The following MLLT1 variants were observed in gnomAD, a reference collection of about 807,000 sequenced individuals.
MLLT1 encodes the protein MLLT1 super elongation complex subunit, also known as protein ENL.
Under a neutral mutation model 55.1 loss-of-function variants are expected in MLLT1, and 11 were observed. The observed-to-expected ratio is 0.20, with a 90% CI of 0.13 to 0.33. The LOEUF is 0.33. Ranked by LOEUF, MLLT1 falls within the 10% of genes least tolerant of loss-of-function variation. MLLT1 has a pLI of 1.00. For synonymous variants in MLLT1, 323 were observed against 320.1 expected (o/e 1.01, Z -0.10); for missense variants, 536 against 760.6 (o/e 0.70, Z 3.47).
In MLLT1 at chr19:6,231,147, G is replaced by A. The variant is rs1218134147; in HGVS notation, c.277-434C>T. 2.0e-5 allele frequency among the ~76,000 whole-genome samples: 3 copies of A among 152,270 alleles called. No homozygotes were observed. Among genetic ancestry groups the A allele is most frequent in the South Asian group, 2.1e-4 (1 of 4,834 alleles). ...GCAGCCAGGGCCAAGCCCGACAGAC[G>A]CAGGACACAGGACACAGACTCAAAC... On this transcript the variant is annotated intron_variant, in intron 3 of 11. Transcript: ENST00000252674. The surrounding 1 kb of genome is among the most constrained non-coding windows in gnomAD (Gnocchi z 5.1).
chr19:6,222,342 C>G lies in MLLT1; in HGVS notation c.889G>C (p.Ala297Pro). The change falls in exon 6 of 12, where the codon GCC becomes CCC. Residue 297 changes from alanine to proline, a missense_variant. Transcript: ENST00000252674. The surrounding 1 kb of genome is among the most constrained non-coding windows in gnomAD (Gnocchi z 4.1). Reference sequence around the variant, plus strand: ...GAGCTGCTCTTCTTCTGCTTCTTGGCGCTGGGCTTTGGCGAGTCGGCGGTG... The same window carrying G: ...GAGCTGCTCTTCTTCTGCTTCTTGGGGCTGGGCTTTGGCGAGTCGGCGGTG... ...PATADSPKPS[A>P]KKQKKSSSKG... 1 of 1,527,124 alleles carries G rather than the reference C, an allele frequency of 6.5e-7. No homozygotes were observed. The highest frequency in any genetic ancestry group is 1.2e-5 in the South Asian group (1 of 83,140). 94.6% of individuals were successfully genotyped at this position (1,527,124 alleles called of 1,614,324 possible). A position where few individuals can be genotyped will look rare whatever the true frequency, so the allele number is the denominator to read the frequency against.
intron 1 of MLLT1, among the ~76,000 whole-genome samples, chr19:6,279,000 G>C (rs1052477006): frequency 6.6e-6 from 1 of 152,172 alleles, no homozygotes; most frequent in African/African-American, 2.4e-5. Context: ...GGAGTCAGAG[G>C]AGCTCAGGCC....
Position 6,230,609 on chromosome 19 carries a change from G to T in MLLT1, c.381C>A (p.Pro127=). ...LRCEKLTFNN[P]TTEFRYKLLR... is the part of the protein sequence containing the mutation. ...GGAGCTTGTACCGGAACTCCGTGGT[G>T]GGGTTGTTGAAGGTGAGCTTCTCGC... Residue 127 remains proline (P), a synonymous_variant, in exon 4 of 12, where the codon CCC becomes CCA. Coordinates refer to ENST00000252674, the MANE Select transcript of MLLT1 (RefSeq NM_005934.4). This position sits in a 1 kb window ranked among gnomAD's most constrained non-coding sequence, Gnocchi z 9.0. 1 of 1,613,966 alleles carries T rather than the reference G, an allele frequency of 6.2e-7. No individual in the cohort carries two copies. Among genetic ancestry groups the T allele is most frequent in the Middle Eastern group, 1.7e-4 (1 of 6,036 alleles).
intron 1 of MLLT1, among the ~76,000 whole-genome samples, chr19:6,279,096 G>A (rs1037496540): frequency 2.0e-5 from 3 of 152,084 alleles, no homozygotes; most frequent in Non-Finnish European, 2.9e-5. Flanking sequence ...CCAGGTAGGG[G>A]ATGGGTGGAG....
chr19:6,277,406 G>GTCAGTAGC (rs1292382791), intron 1 of MLLT1, among the ~76,000 whole-genome samples: 1 of 152,206 alleles, frequency 6.6e-6, no homozygotes, highest in East Asian at 1.9e-4. Context: ...CGACAGGGTG[G>GTCAGTAGC]TCAGTAGCTC....
At chr19:6,236,761 T>C (rs1382442786) in intron 3 of MLLT1, among the ~76,000 whole-genome samples, 3 of 152,250 alleles carry the variant, frequency 2.0e-5, no homozygotes, top group Non-Finnish European at 2.9e-5. Flanking sequence ...TCCTGGGAGA[T>C]GTTGGGATAG....
chr19:6,248,382 G>A (rs1179729456), intron 3 of MLLT1, among the ~76,000 whole-genome samples: 2 of 152,176 alleles, frequency 1.3e-5, no homozygotes, highest in Non-Finnish European at 2.9e-5. Context: ...CTTGAGTGTG[G>A]GCTGGACTTA....
chr19:6,264,052 C>T (rs933807233), intron 2 of MLLT1, among the ~76,000 whole-genome samples: 3 of 152,064 alleles, frequency 2.0e-5, no homozygotes, highest in African/African-American at 4.8e-5. Context: ...TGGTCATGGC[C>T]GCACAACTAT....
At chr19:6,214,752 C>T (rs2090822192) in intron 8 of MLLT1, among the ~76,000 whole-genome samples, 1 of 152,150 alleles carries the variant, frequency 6.6e-6, no homozygotes, top group Non-Finnish European at 1.5e-5. Flanking sequence ...TGAGAGGGGC[C>T]CCTGACAACC....
intron 5 of MLLT1, among the ~76,000 whole-genome samples, chr19:6,223,710 C>T (rs1372606995): frequency 2.0e-5 from 3 of 152,178 alleles, no homozygotes; most frequent in African/African-American, 7.2e-5. Flanking sequence ...CTGTATGTTT[C>T]TGCCCTACAC....
Position 6,213,187 on chromosome 19 carries a change from G to T in MLLT1, c.1552-17C>A, listed in dbSNP as rs1439047022. On this transcript the variant is annotated splice_polypyrimidine_tract_variant and intron_variant, in intron 11 of 11. Coordinates refer to ENST00000252674, the MANE Select transcript of MLLT1 (RefSeq NM_005934.4). The stretch of plus-strand genomic sequence containing the variant: ...ATTCACAATCTGTAAGGTGGTGGCA[G>T]GTGGCTTCAGGGGCAGGGGGCCAAG... The T allele has an allele frequency of 6.2e-7, 1 of 1,613,758 alleles. No homozygotes were observed. Among genetic ancestry groups the T allele is most frequent in the Non-Finnish European group, 8.5e-7 (1 of 1,179,842 alleles).
chr19:6,220,180 T>A (rs1600173598), intron 6 of MLLT1, among the ~76,000 whole-genome samples: 2 of 152,154 alleles, frequency 1.3e-5, no homozygotes, highest in South Asian at 2.1e-4. Flanking sequence ...CCGGTTCTGG[T>A]AGCACAGCCA....
intron 3 of MLLT1, among the ~76,000 whole-genome samples, chr19:6,252,208 T>TAGGACTCTGGCCTC (rs2091221842): frequency 6.6e-6 from 1 of 152,160 alleles, no homozygotes; most frequent in Non-Finnish European, 1.5e-5. Context: ...TCTGTGGCCT[T>TAGGACTCTGGCCTC]AGGACTCTGG....
At position 6,212,806 on chromosome 19, in the gene MLLT1, CCAGAGAGCCCGGGGGGCGG is replaced by C; in HGVS notation, c.*217_*235del. 1 of 910,520 alleles carries C rather than the reference CCAGAGAGCCCGGGGGGCGG, an allele frequency of 1.1e-6. No homozygotes were observed. Among genetic ancestry groups the C allele is most frequent in the East Asian group, 3.4e-5 (1 of 29,026 alleles). The allele number at this position is 910,520 out of a possible 1,614,324, so 56.4% of individuals were successfully genotyped here. On this transcript the variant is annotated 3_prime_UTR_variant, in exon 12 of 12. Coordinates refer to ENST00000252674, the MANE Select transcript of MLLT1 (RefSeq NM_005934.4). ...ACACCAGCCGCTCTCTGAGGGGAGCCCAGAGAGCCCGGGGGGCGGCTCCCGTGTGGCCCAGCCCGGCCCC... is the reference window on the plus strand; with the variant it reads ...ACACCAGCCGCTCTCTGAGGGGAGCCCTCCCGTGTGGCCCAGCCCGGCCCC...
chr19:6,259,774 CAAAT>C (rs1226295306), intron 3 of MLLT1: 1 of 93,906 alleles, frequency 1.1e-5, no homozygotes, highest in Admixed American at 1.2e-4. Context: ...ATTATTCAGA[CAAAT>C]AAACACCAAG....
intron 3 of MLLT1, among the ~76,000 whole-genome samples, chr19:6,249,883 ATGG>A (rs2091199167): frequency 6.6e-6 from 1 of 152,096 alleles, no homozygotes; most frequent in Non-Finnish European, 1.5e-5. Context: ...TTAGCCAGGT[ATGG>A]TGGTGCACAC....
Position 6,265,038 on chromosome 19 carries a change from C to CAA in MLLT1, c.194-2730_194-2729dup, listed in dbSNP as rs928827048. 3.3e-3 allele frequency among the ~76,000 whole-genome samples: 71 copies of CAA among 21,198 alleles called. 1 individual carries two copies. Among genetic ancestry groups the CAA allele is most frequent in the Middle Eastern group, 0.022 (1 of 46 alleles). The allele number at this position is 21,198 out of a possible 152,430, so 13.9% of individuals were successfully genotyped here. On this transcript the variant is annotated intron_variant, in intron 2 of 11. Transcript: ENST00000252674. ...AAATGTCACAAAACATAGTGAACAG[C>CAA]AAAAAAAAAACAAAAAAACAAAAAA...
At position 6,222,731 on chromosome 19, in the gene MLLT1, T is replaced by G. The variant is rs372550786; in HGVS notation, c.547-47A>C. 4 of 1,472,216 alleles carry G rather than the reference T, an allele frequency of 2.7e-6. No individual in the cohort carries two copies. The African/African-American group carries it at 4.2e-5, about 16-fold the overall frequency. The allele number at this position is 1,472,216 out of a possible 1,614,324, so 91.2% of individuals were successfully genotyped here. Reference sequence around the variant, plus strand: ...GGGCAAGGGGAGAGACAAGGTCACGTGGCATTGCGGGGCGCCCTGCTCCGC... The same window carrying G: ...GGGCAAGGGGAGAGACAAGGTCACGGGGCATTGCGGGGCGCCCTGCTCCGC... On this transcript the variant is annotated intron_variant, in intron 5 of 11. Coordinates refer to ENST00000252674, the MANE Select transcript of MLLT1 (RefSeq NM_005934.4). The surrounding 1 kb of genome is among the most constrained non-coding windows in gnomAD (Gnocchi z 4.1).
intron 8 of MLLT1, among the ~76,000 whole-genome samples, chr19:6,215,586 G>A (rs1568274157): frequency 6.6e-6 from 1 of 152,228 alleles, no homozygotes; most frequent in Non-Finnish European, 1.5e-5. Flanking sequence ...TGCCCAGCTT[G>A]CGTGAAGGTG....
Sources: gnomAD v4.1 joint callset for allele counts (sites outside exome capture counted in the v4.1 genomes callset) on GRCh38, gnomAD v4.1.1 for gene constraint, Gnocchi (gnomAD v3.1) non-coding constraint, MANE v1.5 for transcripts, NCBI Gene and HGNC (gene_info 2026-07-23, HGNC 2026-07-21) for gene names.